The following REV3L variants were observed in gnomAD, a reference collection of about 807,000 sequenced individuals.
REV3L encodes DNA polymerase zeta catalytic subunit.
Under a neutral mutation model 299.4 loss-of-function variants are expected in REV3L, and 69 were observed. The observed-to-expected ratio is 0.23, with a 90% CI of 0.19 to 0.28. The LOEUF is 0.28. Among genes scored for constraint, REV3L ranks in the 10% least tolerant of loss-of-function variants. The pLI, the probability that REV3L is intolerant of heterozygous loss-of-function variation, is 1.00. For synonymous variants in REV3L, 1,238 were observed against 1,271.4 expected (o/e 0.97, Z 0.56); for missense variants, 3,128 against 3,693.8 (o/e 0.85, Z 3.97).
chr6:111,364,154 C>T (rs187566738), intron 15 of REV3L, among the ~76,000 whole-genome samples, 176 bp from the exon 16 acceptor site: 21 of 152,172 alleles, frequency 1.4e-4, no homozygotes, highest in Non-Finnish European at 2.8e-4. Flanking sequence ...TTCATGCTAA[C>T]AAAGATATCA....
rs1772447886 is a variant in REV3L, at chr6:111,307,500, G to A, written c.9113C>T (p.Thr3038Ile). ...GRKGTISQYF[T>I]TLHCPVCDDL... ...ATCACACACAGGACAGTGTAAGGTA[G>A]TAAAATATTGTGAAATAGTGCCTTT... Residue 3038 changes from threonine to isoleucine, a missense_variant, in exon 31 of 32, where the codon ACT becomes ATT. Transcript: ENST00000368802. 4.3e-6 allele frequency: 7 copies of A among 1,614,118 alleles called. No individual in the cohort carries two copies. The Admixed American group carries it at 6.7e-5, about 15-fold the overall frequency.
chr6:111,396,849 G>T (rs779249033), intron 4 of REV3L, among the ~76,000 whole-genome samples: 8 of 152,032 alleles, frequency 5.3e-5, no homozygotes, highest in Non-Finnish European at 1.0e-4. Flanking sequence ...ATTTCTTCCT[G>T]GTTCAATCTT....
intron 1 of REV3L, chr6:111,431,025 T>A (rs1378180744): frequency 6.4e-7 from 1 of 1,558,344 alleles, no homozygotes; most frequent in African/African-American, 1.4e-5. Flanking sequence ...CAGTGTTATA[T>A]TTGAATTATG....
chr6:111,349,508 T>G (rs1777374715), intron 19 of REV3L, among the ~76,000 whole-genome samples, 172 bp from the exon 20 acceptor site: 2 of 152,208 alleles, frequency 1.3e-5, no homozygotes, highest in African/African-American at 4.8e-5. Context: ...TCTCCCTCCC[T>G]CCTTCTTTCT....
At position 111,422,571 on chromosome 6, in the gene REV3L, T is replaced by G. The variant is rs1169315865; in HGVS notation, c.140-6099A>C. Among the ~76,000 whole-genome samples the G allele has an allele frequency of 3.8e-5, 2 of 53,022 alleles. 1 individual carries two copies. Among genetic ancestry groups the G allele is most frequent in the Non-Finnish European group, 1.1e-4 (2 of 18,354 alleles). 34.8% of individuals were successfully genotyped at this position (53,022 alleles called of 152,430 possible). A position where few individuals can be genotyped will look rare whatever the true frequency, so the allele number is the denominator to read the frequency against. ...TATATATGGGTGATTCTTTTATATA[T>G]ATATACACATATATATATATATACA... On this transcript the variant is annotated intron_variant, in intron 1 of 31. Transcript: ENST00000368802.
chr6:111,373,235 T>C lies in REV3L; in HGVS notation c.5120A>G (p.Asp1707Gly), dbSNP rs1191490242. The C allele has an allele frequency of 3.7e-6, 6 of 1,613,998 alleles. No individual in the cohort carries two copies. The highest frequency in any genetic ancestry group is 1.6e-4 in the Middle Eastern group (1 of 6,084). Residue 1707 changes from aspartate (D) to glycine (G), a missense_variant, in exon 13 of 32, where the codon GAC becomes GGC. Asp to Gly is a moderately conservative substitution (Grantham distance 94, BLOSUM62 -1). This residue lies in a region of REV3L where 2,409 missense variants were observed against 2,611.8 expected (regional missense o/e 0.92). Transcript: ENST00000368802. ...LSHDNQKCDE[D>G]KHHTTDSASW... ...GGCTGAGTCTGTGGTATGATGCTTG[T>C]CTTCATCACATTTCTGGTTGTCATG...
At chr6:111,301,505 CAAA>C (rs201406131) in intron 31 of REV3L, among the ~76,000 whole-genome samples, 1 of 124,942 alleles carries the variant, frequency 8.0e-6, no homozygotes, top group African/African-American at 3.0e-5. Context: ...TGTAAAATTT[CAAA>C]AAAAAAAAAA....
At chr6:111,445,071 T>A (rs1030370465) in intron 1 of REV3L, among the ~76,000 whole-genome samples, 3 of 152,074 alleles carry the variant, frequency 2.0e-5, no homozygotes, top group Admixed American at 6.5e-5. Flanking sequence ...AGGAGAGAAA[T>A]ATAAGAAGCT....
At position 111,315,278 on chromosome 6, in the gene REV3L, T is replaced by C. The variant is rs767807986; in HGVS notation, c.8455A>G (p.Lys2819Glu). Residue 2819 changes from lysine (K) to glutamate (E), a missense_variant, in exon 27 of 32, where the codon AAG (lysine) becomes GAG (glutamate). Lys to Glu is a moderately conservative substitution (Grantham distance 56, BLOSUM62 1). Coordinates refer to ENST00000368802, the MANE Select transcript of REV3L (RefSeq NM_001372078.1). ...TATNPKPVKLKFEKVYLPCVL... is the reference protein window; with the variant it reads ...TATNPKPVKLEFEKVYLPCVL... ...TACATTCCTCTTACCTTTTCAAACT[T>C]CAATTTCACTGGTTTAGGATTGGTA... 6.2e-7 allele frequency: 1 copy of C among 1,613,740 alleles called. No individual in the cohort carries two copies. The highest frequency in any genetic ancestry group is 1.1e-5 in the South Asian group (1 of 91,056).
chr6:111,468,676 G>C (rs1009707303), intron 1 of REV3L, among the ~76,000 whole-genome samples: 1 of 152,182 alleles, frequency 6.6e-6, no homozygotes, highest in South Asian at 2.1e-4. Flanking sequence ...TGGGAGTACA[G>C]ATCAAAACAA....
At chr6:111,321,706 T>C (rs1774209713) in intron 26 of REV3L, among the ~76,000 whole-genome samples, 1 of 152,224 alleles carries the variant, frequency 6.6e-6, no homozygotes, top group African/African-American at 2.4e-5. Flanking sequence ...TAAGATTAAA[T>C]GCTGTTCAAA....
At chr6:111,379,356 G>A (rs1780604761) in intron 11 of REV3L, among the ~76,000 whole-genome samples, 1 of 152,192 alleles carries the variant, frequency 6.6e-6, no homozygotes, top group Non-Finnish European at 1.5e-5. Context: ...CTAGCCTATA[G>A]AAGTTTAAAG....
intron 31 of REV3L, among the ~76,000 whole-genome samples, chr6:111,306,632 ACT>A (rs1353309575): frequency 6.6e-6 from 1 of 151,776 alleles, no homozygotes; most frequent in Non-Finnish European, 1.5e-5. Flanking sequence ...AATCACTTAA[ACT>A]CTCTGTATCA....
intron 1 of REV3L, chr6:111,431,032 T>C (rs1313280639): frequency 1.8e-5 from 28 of 1,548,368 alleles, no homozygotes; most frequent in Non-Finnish European, 2.5e-5. Context: ...ATATTTGAAT[T>C]ATGGGCCCTA....
In REV3L at chr6:111,363,929, T is replaced by A. The variant is rs1778948755; in HGVS notation, c.6803A>T (p.Asp2268Val). ...NTPQKETSQI[D>V]GPSLNNTYGF... ...GTAAGTATTGTTTAAAGATGGTCCATCAATCTGAGAAGTTTCTTTCTGTGG... is the reference window on the plus strand; with the variant it reads ...GTAAGTATTGTTTAAAGATGGTCCAACAATCTGAGAAGTTTCTTTCTGTGG... Residue 2268 changes from aspartate to valine, a missense_variant, in exon 16 of 32, where the codon GAT (aspartate) becomes GTT (valine). By Grantham distance (152) the Asp-to-Val change is radical (BLOSUM62 -3). This residue lies in a region of REV3L where 2,409 missense variants were observed against 2,611.8 expected (regional missense o/e 0.92). Transcript: ENST00000368802. The A allele has an allele frequency of 6.2e-7, 1 of 1,613,442 alleles. No homozygotes were observed. Among genetic ancestry groups the A allele is most frequent in the Non-Finnish European group, 8.5e-7 (1 of 1,179,708 alleles).
At chr6:111,316,856 C>T (rs1773589395) in intron 26 of REV3L, among the ~76,000 whole-genome samples, 1 of 152,090 alleles carries the variant, frequency 6.6e-6, no homozygotes, top group African/African-American at 2.4e-5. Flanking sequence ...GATCATGTTA[C>T]TTGGTAATGA....
In REV3L at chr6:111,373,140, G is replaced by C; in HGVS notation, c.5215C>G (p.Arg1739Gly). The C allele has an allele frequency of 6.2e-7, 1 of 1,614,102 alleles. No individual in the cohort carries two copies. Among genetic ancestry groups the C allele is most frequent in the Non-Finnish European group, 8.5e-7 (1 of 1,180,000 alleles). Residue 1739 changes from arginine (R) to glycine (G), a missense_variant, in exon 13 of 32, where the codon CGT (arginine) becomes GGT (glycine). By Grantham distance (125) the Arg-to-Gly change is moderately radical (BLOSUM62 -2). Around this residue, in one of 9 missense-constraint regions of REV3L, gnomAD observed 2,409 missense variants for 2,611.8 expected, o/e 0.92. Coordinates refer to ENST00000368802, the MANE Select transcript of REV3L (RefSeq NM_001372078.1). ...CTATTTTTCCACTGGTTGTGGCGAC[G>C]ATTCTCATTGCTATCTATGGTTGAC... ...EKSTIDSNENRRHNQWKNSFH... is the reference protein window; with the variant it reads ...EKSTIDSNENGRHNQWKNSFH...
intron 31 of REV3L, among the ~76,000 whole-genome samples, 183 bp from the exon 32 acceptor site, chr6:111,300,339 A>C (rs906872023): frequency 2.6e-5 from 4 of 152,186 alleles, no homozygotes; most frequent in Non-Finnish European, 5.9e-5. Context: ...GACATTTCTA[A>C]AGGATATTAT....
At chr6:111,474,503 G>A (rs1258254263) in intron 1 of REV3L, among the ~76,000 whole-genome samples, 1 of 152,166 alleles carries the variant, frequency 6.6e-6, no homozygotes, top group Admixed American at 6.5e-5. Context: ...CAAGTAGTAA[G>A]GCACACCTCA....
Sources: gnomAD v4.1 joint callset for allele counts (sites outside exome capture counted in the v4.1 genomes callset) on GRCh38, gnomAD v4.1.1 for gene constraint, gnomAD v4.1.1 regional missense constraint, MANE v1.5 for transcripts, NCBI Gene and HGNC (gene_info 2026-07-23, HGNC 2026-07-21) for gene names.